RP1: variants seen among roughly 807,000 people sequenced by gnomAD.
The protein encoded by RP1 is oxygen-regulated protein 1.
A neutral mutation model predicts 14.8 loss-of-function variants in RP1; 16 were observed. The observed-to-expected ratio is 1.08, with a 90% CI of 0.73 to 1.65. The LOEUF (loss-of-function observed/expected upper bound fraction) is 1.65. RP1 is among the 40% of genes most tolerant of loss of function. RP1 has a pLI of 0.00. For missense variants in RP1, 2,631 were observed against 2,535.0 expected (o/e 1.04, Z -0.81); for synonymous variants, 876 against 883.6 (o/e 0.99, Z 0.15).
chr8:54,618,391 A>C (rs1459090880), intron 1 of RP1, among the ~76,000 whole-genome samples: 4 of 152,186 alleles, frequency 2.6e-5, no homozygotes, highest in South Asian at 2.1e-4. Context: ...AAAACTACCC[A>C]CAAAATTCTT....
At chr8:54,819,947 C>T (rs551033869) in intron 24 of RP1, among the ~76,000 whole-genome samples, 13 of 151,256 alleles carry the variant, frequency 8.6e-5, no homozygotes, top group Admixed American at 2.6e-4. Flanking sequence ...GCAAGATCCG[C>T]GGTGACTACT....
At chr8:54,734,051 C>T (rs1451517767) in intron 17 of RP1, among the ~76,000 whole-genome samples, 1 of 152,160 alleles carries the variant, frequency 6.6e-6, no homozygotes, top group Non-Finnish European at 1.5e-5. Flanking sequence ...CTTTCCATTG[C>T]CCACGCCAGT....
chr8:54,816,106 T>C (rs59441124), intron 24 of RP1, among the ~76,000 whole-genome samples: 3 of 152,296 alleles, frequency 2.0e-5, no homozygotes, highest in East Asian at 1.9e-4. Context: ...GGAAGGTAGA[T>C]TCTTAAAAAT....
chr8:54,565,494 G>A (rs371928959), intron 1 of RP1, among the ~76,000 whole-genome samples: 1 of 152,302 alleles, frequency 6.6e-6, no homozygotes, highest in South Asian at 2.1e-4. Flanking sequence ...GAACCCAGGA[G>A]GTGGAGGTTG....
At chr8:54,707,745 C>T (rs1808185763) in intron 15 of RP1, among the ~76,000 whole-genome samples, 1 of 152,196 alleles carries the variant, frequency 6.6e-6, no homozygotes, top group South Asian at 2.1e-4. Context: ...GTCGGTGCTG[C>T]AGACTGGTGA....
At chr8:54,799,652 T>C (rs1331255193) in intron 24 of RP1, among the ~76,000 whole-genome samples, 1 of 152,010 alleles carries the variant, frequency 6.6e-6, no homozygotes, top group Non-Finnish European at 1.5e-5. Context: ...TTTTTTCTTT[T>C]ATCAAAAGCT....
chr8:54,586,667 T>C (rs1804933060), intron 1 of RP1, among the ~76,000 whole-genome samples: 1 of 152,190 alleles, frequency 6.6e-6, no homozygotes, highest in Non-Finnish European at 1.5e-5. Flanking sequence ...CCTGGCTGCT[T>C]TTTTACCTAC....
chr8:54,787,888 A>G (rs1563376629), intron 24 of RP1, among the ~76,000 whole-genome samples: 1 of 152,226 alleles, frequency 6.6e-6, no homozygotes, highest in Non-Finnish European at 1.5e-5. Flanking sequence ...TCTTTACTAT[A>G]TAAGGAAATA....
intron 3 of RP1, among the ~76,000 whole-genome samples, chr8:54,638,030 C>T (rs1296519724): frequency 2.6e-5 from 4 of 152,176 alleles, no homozygotes; most frequent in Admixed American, 2.6e-4. Context: ...AGTTGTCATC[C>T]TGAGCTATCC....
intron 16 of RP1, among the ~76,000 whole-genome samples, chr8:54,721,937 G>T (rs566999030): frequency 2.2e-4 from 33 of 152,232 alleles, no homozygotes; most frequent in Non-Finnish European, 7.4e-5. Context: ...AAGAGTGACA[G>T]AATGTTTATG....
At chr8:54,606,035 C>T (rs1293191125) in intron 1 of RP1, among the ~76,000 whole-genome samples, 1 of 151,898 alleles carries the variant, frequency 6.6e-6, no homozygotes, top group African/African-American at 2.4e-5. Context: ...GTATTTAGCC[C>T]ATTTCCATTT....
downstream of RP1, among the ~76,000 whole-genome samples, chr8:54,771,188 C>G (rs1809894368): frequency 1.3e-5 from 2 of 152,028 alleles, no homozygotes; most frequent in South Asian, 4.1e-4. Context: ...ATGTGTCACA[C>G]TCTTAGGATG....
At chr8:54,607,866 G>A (rs1027960431) in intron 1 of RP1, among the ~76,000 whole-genome samples, 2 of 152,200 alleles carry the variant, frequency 1.3e-5, no homozygotes, top group African/African-American at 2.4e-5. Context: ...TAATCTCCTG[G>A]TGTGCCATTT....
At chr8:54,837,749 T>C in intron 25 of RP1, 1 of 792,488 alleles carries the variant, frequency 1.3e-6, no homozygotes, top group Non-Finnish European at 1.7e-6. Flanking sequence ...CTGGCACCTT[T>C]TTCTGTAAAG....
At chr8:54,768,114 TCCAGCAG>T (rs1809808965) in intron 22 of RP1, among the ~76,000 whole-genome samples, 1 of 152,222 alleles carries the variant, frequency 6.6e-6, no homozygotes, top group Admixed American at 6.5e-5. Context: ...CCCCATCTTG[TCCAGCAG>T]CCTCCTGTGC....
At chr8:54,869,564 T>C (rs937309973) in intron 28 of RP1, among the ~76,000 whole-genome samples, 2 of 152,220 alleles carry the variant, frequency 1.3e-5, no homozygotes, top group African/African-American at 4.8e-5. Context: ...AAATTTTGAC[T>C]ATGTTAGAAT....
At chr8:54,631,987 A>G (rs956088499), downstream of RP1, among the ~76,000 whole-genome samples, 3 of 151,908 alleles carry the variant, frequency 2.0e-5, no homozygotes, top group Non-Finnish European at 2.9e-5. Context: ...GATTACAGGC[A>G]TGCACCACCA....
chr8:54,667,564 G>C (rs1807047691), intron 7 of RP1, among the ~76,000 whole-genome samples: 1 of 152,102 alleles, frequency 6.6e-6, no homozygotes, highest in Non-Finnish European at 1.5e-5. Flanking sequence ...TGACTGTGCA[G>C]TGCTATTTCT....
At chr8:54,698,894 G>A (rs899342808) in intron 12 of RP1, among the ~76,000 whole-genome samples, 1 of 151,948 alleles carries the variant, frequency 6.6e-6, no homozygotes, top group Non-Finnish European at 1.5e-5. Flanking sequence ...ATCGGGGGTT[G>A]GGGTCCTGGG....
Sources: allele counts gnomAD v4.1 joint callset (sites outside exome capture counted in the v4.1 genomes callset), GRCh38; gene constraint gnomAD v4.1.1; transcripts MANE v1.5; gene names NCBI Gene and HGNC (gene_info 2026-07-23, HGNC 2026-07-21).